The following NKAIN2 variants were observed in gnomAD, a reference collection of about 807,000 sequenced individuals.
NKAIN2 encodes sodium/potassium transporting ATPase interacting 2, also known as sodium/potassium-transporting ATPase subunit beta-1-interacting protein 2.
A neutral mutation model predicts 32.6 loss-of-function variants in NKAIN2; 14 were observed. That is an observed-to-expected ratio of 0.43 (90% CI 0.28 to 0.67). NKAIN2 has a LOEUF of 0.67. Among genes scored for constraint, NKAIN2 ranks in the 30% least tolerant of loss-of-function variants. The pLI, the probability that NKAIN2 is intolerant of heterozygous loss-of-function variation, is 0.17. For synonymous variants in NKAIN2, 80 were observed against 87.2 expected (o/e 0.92, Z 0.46); for missense variants, 198 against 258.3 (o/e 0.77, Z 1.60).
chr6:124,536,413 G>A (rs894868785), intron 3 of NKAIN2, among the ~76,000 whole-genome samples: 1 of 151,940 alleles, frequency 6.6e-6, no homozygotes, highest in Non-Finnish European at 1.5e-5. Context: ...ACCTCTTGTT[G>A]TCCACTGGAT....
At chr6:124,636,234 T>C (rs1196014672) in intron 3 of NKAIN2, among the ~76,000 whole-genome samples, 1 of 150,872 alleles carries the variant, frequency 6.6e-6, no homozygotes, top group Non-Finnish European at 1.5e-5. Context: ...TTGAAACAAA[T>C]GAAAATGGAA....
chr6:124,003,793 AG>A (rs1225428985), intron 1 of NKAIN2, among the ~76,000 whole-genome samples: 1 of 152,174 alleles, frequency 6.6e-6, no homozygotes, highest in African/African-American at 2.4e-5. Context: ...AAACAGCTGC[AG>A]GGGCTCAAGA....
At chr6:124,066,996 G>C (rs1783218975) in intron 1 of NKAIN2, among the ~76,000 whole-genome samples, 1 of 152,066 alleles carries the variant, frequency 6.6e-6, no homozygotes, top group African/African-American at 2.4e-5. Flanking sequence ...GGCCAGAAGA[G>C]AATATCCTCT....
intron 1 of NKAIN2, among the ~76,000 whole-genome samples, chr6:124,022,542 C>T (rs1293588453): frequency 6.6e-6 from 1 of 152,084 alleles, no homozygotes; most frequent in Non-Finnish European, 1.5e-5. Flanking sequence ...TTCTCTTTGC[C>T]TAGGTGGATA....
At chr6:124,348,460 G>A (rs1394097238) in intron 2 of NKAIN2, among the ~76,000 whole-genome samples, 2 of 152,218 alleles carry the variant, frequency 1.3e-5, no homozygotes, top group Non-Finnish European at 2.9e-5. Context: ...AGGCAGGCAG[G>A]CCTCCTTGAG....
intron 2 of NKAIN2, among the ~76,000 whole-genome samples, chr6:124,284,989 A>G (rs1330975516): frequency 6.6e-6 from 1 of 152,156 alleles, no homozygotes; most frequent in Non-Finnish European, 1.5e-5. Flanking sequence ...ATCTTTCACT[A>G]CTGGCTACTT....
intron 1 of NKAIN2, among the ~76,000 whole-genome samples, chr6:124,029,057 A>G (rs1194926031): frequency 6.6e-6 from 1 of 151,190 alleles, no homozygotes; most frequent in Non-Finnish European, 1.5e-5. Context: ...TTTTTTTTAT[A>G]GTTTGATACT....
At chr6:124,807,557 C>A (rs1187542392) in intron 5 of NKAIN2, among the ~76,000 whole-genome samples, 6 of 147,732 alleles carry the variant, frequency 4.1e-5, no homozygotes, top group Non-Finnish European at 7.5e-5. Flanking sequence ...AAAATTGACA[C>A]CCTAACATCA....
At chr6:124,092,156 C>T (rs542902843) in intron 1 of NKAIN2, among the ~76,000 whole-genome samples, 10 of 152,030 alleles carry the variant, frequency 6.6e-5, no homozygotes, top group Non-Finnish European at 1.3e-4. Flanking sequence ...TCCTATCATA[C>T]ACAGCACCAA....
intron 3 of NKAIN2, among the ~76,000 whole-genome samples, chr6:124,451,985 A>C (rs748028143): frequency 6.6e-6 from 1 of 152,104 alleles, no homozygotes. Context: ...ACTTGAGTCC[A>C]GGAGTTTGAG....
At chr6:123,899,100 A>G (rs779263077) in intron 1 of NKAIN2, among the ~76,000 whole-genome samples, 10 of 152,222 alleles carry the variant, frequency 6.6e-5, no homozygotes, top group Non-Finnish European at 1.0e-4. Context: ...CATATGAATA[A>G]ATCTGTATCT....
At chr6:123,991,333 G>C (rs949996846) in intron 1 of NKAIN2, among the ~76,000 whole-genome samples, 1 of 152,078 alleles carries the variant, frequency 6.6e-6, no homozygotes, top group Non-Finnish European at 1.5e-5. Flanking sequence ...TGAAGTCATG[G>C]GCAGGCATGA....
rs74970089 is a variant in NKAIN2, at chr6:124,044,972, C to T, written c.55-238033C>T. Among the ~76,000 whole-genome samples, 61 of 152,072 alleles carry T rather than the reference C, an allele frequency of 4.0e-4. No homozygotes were observed. The East Asian group carries it at 9.5e-3, about 24-fold the overall frequency. On this transcript the variant is annotated intron_variant, in intron 1 of 6. Transcript: ENST00000368417. ...TTTAGCACAGTTTGACTCCCACAGG[C>T]ACCCAAAACTGCGTTTTCTGATATT... is the stretch of plus-strand genomic sequence containing the variant.
In NKAIN2 at chr6:124,616,590, G is replaced by A. The variant is rs187620353; in HGVS notation, c.274-41596G>A. Among the ~76,000 whole-genome samples, 474 of 148,006 alleles carry A rather than the reference G, an allele frequency of 3.2e-3. 2 individuals are homozygous for A. Among genetic ancestry groups the A allele is most frequent in the African/African-American group, 0.011 (461 of 40,296 alleles). ...CGCCATTCTCCTGCCTCAGCCTCCC[G>A]AGTAGCTGGGACTACAGCCGCCCGC... On this transcript the variant is annotated intron_variant, in intron 3 of 6. Transcript: ENST00000368417.
At chr6:123,992,990 A>G (rs527339021) in intron 1 of NKAIN2, among the ~76,000 whole-genome samples, 12 of 152,320 alleles carry the variant, frequency 7.9e-5, no homozygotes, top group East Asian at 1.9e-4. Flanking sequence ...ACCTGGACAA[A>G]TTGTATAAAC....
intron 2 of NKAIN2, among the ~76,000 whole-genome samples, chr6:124,289,869 T>C (rs903555771): frequency 1.3e-5 from 2 of 152,172 alleles, no homozygotes; most frequent in Admixed American, 6.5e-5. Context: ...GAAAAAAATA[T>C]CTGAAAGGAA....
chr6:123,998,863 C>T (rs1323374925), intron 1 of NKAIN2, among the ~76,000 whole-genome samples: 1 of 150,224 alleles, frequency 6.7e-6, no homozygotes, highest in Non-Finnish European at 1.5e-5. Context: ...AATGACTGCT[C>T]TACAATTATT....
intron 4 of NKAIN2, among the ~76,000 whole-genome samples, chr6:124,659,415 T>TAA (rs746739888): frequency 1.8e-4 from 26 of 147,030 alleles, no homozygotes; most frequent in African/African-American, 6.4e-4. Flanking sequence ...CTTCTGGAAT[T>TAA]AAAAAAAAAA....
chr6:124,625,542 GATA>G (rs1463089649), intron 3 of NKAIN2, among the ~76,000 whole-genome samples: 1 of 151,986 alleles, frequency 6.6e-6, no homozygotes, highest in African/African-American at 2.4e-5. Context: ...CAATTAGTAT[GATA>G]ATAATAATAG....
Sources: gnomAD v4.1 joint callset for allele counts (sites outside exome capture counted in the v4.1 genomes callset) on GRCh38, gnomAD v4.1.1 for gene constraint, MANE v1.5 for transcripts, NCBI Gene and HGNC (gene_info 2026-07-23, HGNC 2026-07-21) for gene names.